CSNK2A2: variants seen among roughly 807,000 people sequenced by gnomAD.
CSNK2A2 encodes the protein casein kinase II subunit alpha'.
A neutral mutation model predicts 54.0 loss-of-function variants in CSNK2A2; 8 were observed. The ratio of observed to expected loss-of-function variants is 0.15; its 90% CI spans 0.09 to 0.27. The LOEUF (loss-of-function observed/expected upper bound fraction) is 0.27. CSNK2A2 is among the 10% of genes least tolerant of loss of function. The probability of loss-of-function intolerance (pLI) is 1.00; values close to 1 mark genes in which losing one functional copy is unlikely to be tolerated. For synonymous variants in CSNK2A2, 141 were observed against 153.9 expected, an observed-to-expected ratio of 0.92 and a Z score of 0.62; for missense variants, 242 against 439.4, an observed-to-expected ratio of 0.55 and a Z score of 4.02.
chr16:58,176,631 C>T (rs1042338012), intron 4 of CSNK2A2, among the ~76,000 whole-genome samples: 1 of 152,172 alleles, frequency 6.6e-6, no homozygotes, highest in Non-Finnish European at 1.5e-5. Flanking sequence ...ACAGCTCTGA[C>T]AAAACAAGCC....
At chr16:58,167,103 C>A in intron 8 of CSNK2A2, 104 bp downstream of exon 8, 1 of 689,218 alleles carries the variant, frequency 1.5e-6, no homozygotes. Context: ...CATATGCAGA[C>A]ACTGAGTGAT....
intron 2 of CSNK2A2, among the ~76,000 whole-genome samples, chr16:58,195,259 AAC>A (rs1962408816): frequency 6.6e-6 from 1 of 151,696 alleles, no homozygotes; most frequent in Non-Finnish European, 1.5e-5. Flanking sequence ...CAGTATCTTC[AAC>A]ATCAGTTCCT....
At chr16:58,176,459 T>C (rs1054823120) in intron 4 of CSNK2A2, among the ~76,000 whole-genome samples, 5 of 152,204 alleles carry the variant, frequency 3.3e-5, no homozygotes, top group South Asian at 2.1e-4. Flanking sequence ...AAGTGACTGG[T>C]TGCCATTCAC....
intron 2 of CSNK2A2, among the ~76,000 whole-genome samples, chr16:58,195,368 G>A (rs1238891719): frequency 1.3e-5 from 2 of 152,142 alleles, no homozygotes; most frequent in African/African-American, 4.8e-5. Context: ...GATGTTTTGA[G>A]TGATGGAGTT....
At chr16:58,186,066 G>A (rs1597122374) in intron 3 of CSNK2A2, among the ~76,000 whole-genome samples, 2 of 152,224 alleles carry the variant, frequency 1.3e-5, no homozygotes, top group Admixed American at 1.3e-4. Context: ...ACAGCAGGTG[G>A]AGAACAGCAA....
intron 10 of CSNK2A2, 104 bp downstream of exon 10, chr16:58,165,456 A>C (rs1961537581): frequency 2.4e-6 from 3 of 1,256,072 alleles, no homozygotes; most frequent in Non-Finnish European, 2.1e-6. Context: ...GGAATAATCC[A>C]ATCCAAATAC....
At chr16:58,181,955 C>G (rs967111998) in intron 4 of CSNK2A2, among the ~76,000 whole-genome samples, 1 of 152,096 alleles carries the variant, frequency 6.6e-6, no homozygotes, top group African/African-American at 2.4e-5. Context: ...AGTGGTAATA[C>G]TGGAACAATC....
chr16:58,168,283 TC>T (rs1961627788), intron 6 of CSNK2A2, among the ~76,000 whole-genome samples: 1 of 152,116 alleles, frequency 6.6e-6, no homozygotes, highest in African/African-American at 2.4e-5. Context: ...ACCCAAGTGT[TC>T]TTTTAAGGCC....
At chr16:58,192,244 A>T (rs898550962) in intron 2 of CSNK2A2, among the ~76,000 whole-genome samples, 42 of 152,184 alleles carry the variant, frequency 2.8e-4, no homozygotes, top group African/African-American at 9.4e-4. Context: ...CCTGATGATG[A>T]GATGGTAGAT....
intron 4 of CSNK2A2, among the ~76,000 whole-genome samples, chr16:58,177,104 G>A (rs1961901436): frequency 6.6e-6 from 1 of 152,170 alleles, no homozygotes; most frequent in African/African-American, 2.4e-5. Context: ...AACCACATAT[G>A]AAGTCCTCAC....
chr16:58,165,657 A>G lies in CSNK2A2; in HGVS notation c.879T>C (p.Leu293=). 1.2e-6 allele frequency: 2 copies of G among 1,614,112 alleles called. No homozygotes were observed. Among genetic ancestry groups the G allele is most frequent in the Non-Finnish European group, 1.7e-6 (2 of 1,180,000 alleles). The change falls in exon 10 of 12, where the codon CTT becomes CTC. Residue 293 remains leucine, a synonymous_variant. Transcript: ENST00000262506. ...GAAGATCTAGGGCCTCAGGGCTGAC[A>G]AGGTGTCTGTTCTCACTATGGATAA... ...ENFIHSENRH[L]VSPEALDLLD...
chr16:58,181,672 T>C (rs1962045887), intron 4 of CSNK2A2, among the ~76,000 whole-genome samples: 1 of 152,014 alleles, frequency 6.6e-6, no homozygotes, highest in African/African-American at 2.4e-5. Context: ...AAGACCAAAA[T>C]GGAGCTGTAA....
rs1272156410 is a variant in CSNK2A2, at chr16:58,166,595, A to G, written c.816T>C (p.Asp272=). Residue 272 remains aspartate (D), a synonymous_variant, in exon 9 of 12, where the codon GAT becomes GAC. Transcript: ENST00000262506. ...TCTCTCTTACTTACTGTCCCAGGAT[A>G]TCGTTGAAGTGTGGATCTAGGTCTA... is the stretch of plus-strand genomic sequence containing the variant. ...YHIDLDPHFN[D]ILGQHSRKRW... is the part of the protein sequence containing the mutation. 5 of 1,606,202 alleles carry G rather than the reference A, an allele frequency of 3.1e-6. No homozygotes were observed. Among genetic ancestry groups the G allele is most frequent in the East Asian group, 2.2e-5 (1 of 44,854 alleles).
Position 58,197,869 on chromosome 16 carries a change from G to C in CSNK2A2, c.-133C>G. 6.9e-6 allele frequency: 1 copy of C among 144,388 alleles called. No homozygotes were observed. Among genetic ancestry groups the C allele is most frequent in the Non-Finnish European group, 1.5e-5 (1 of 67,170 alleles). The allele number at this position is 144,388 out of a possible 1,614,324, so 8.9% of individuals were successfully genotyped here. A position where few individuals can be genotyped will look rare whatever the true frequency, so the allele number is the denominator to read the frequency against. ...GGAGGAGGAGGAGGAGCGCGGCGGC[G>C]GGCGGCCGCGCCAGGCCGGGCCCGC... On this transcript the variant is annotated 5_prime_UTR_variant, in exon 1 of 12. Coordinates refer to ENST00000262506, the MANE Select transcript of CSNK2A2 (RefSeq NM_001896.4). The surrounding 1 kb of genome is among the most constrained non-coding windows in gnomAD (Gnocchi z 4.0).
chr16:58,186,631 G>T, intron 3 of CSNK2A2, 124 bp downstream of exon 3: 1 of 654,770 alleles, frequency 1.5e-6, no homozygotes, highest in Non-Finnish European at 2.6e-6. Flanking sequence ...TTTCAAACCA[G>T]TCAGTAGTTA....
chr16:58,171,977 ATATTTTTTTTTT>A (rs1194558023), intron 5 of CSNK2A2, among the ~76,000 whole-genome samples: 1 of 34,318 alleles, frequency 2.9e-5, no homozygotes, highest in Non-Finnish European at 5.2e-5. Context: ...ATATATATAT[ATATTTTTTTTTT>A]TTTTTTTTTT....
chr16:58,182,953 T>C (rs1226978767), intron 4 of CSNK2A2, among the ~76,000 whole-genome samples: 1 of 152,204 alleles, frequency 6.6e-6, no homozygotes, highest in African/African-American at 2.4e-5. Flanking sequence ...CTGTCACATG[T>C]GGGAAAGTGC....
intron 11 of CSNK2A2, chr16:58,161,660 GAAAC>G (rs1961375797): frequency 6.6e-6 from 1 of 152,038 alleles, no homozygotes; most frequent in African/African-American, 2.4e-5. Flanking sequence ...GCTAGGTTTG[GAAAC>G]AAAAATGGTT....
Position 58,186,802 on chromosome 16 carries a change from C to A in CSNK2A2, c.271G>T (p.Gly91Cys). The change falls in exon 3 of 12, where the codon GGT (glycine) becomes TGT (cysteine). Residue 91 changes from glycine to cysteine, a missense_variant. By Grantham distance (159) the Gly-to-Cys change is radical. Around this residue, in one of 5 missense-constraint regions of CSNK2A2, gnomAD observed 69 missense variants for 97.0 expected, o/e 0.71. Coordinates refer to ENST00000262506, the MANE Select transcript of CSNK2A2 (RefSeq NM_001896.4). Reference protein sequence around the residue: ...REVKILENLRGGTNIIKLIDT... With the variant: ...REVKILENLRCGTNIIKLIDT... Reference sequence around the variant, plus strand: ...ATCAGCTTAATGATATTTGTTCCACCACGAAGGTTCTCCAGAATCTTAACC... The same window carrying A: ...ATCAGCTTAATGATATTTGTTCCACAACGAAGGTTCTCCAGAATCTTAACC... 2 of 1,614,082 alleles carry A rather than the reference C, an allele frequency of 1.2e-6. No homozygotes were observed. Among genetic ancestry groups the A allele is most frequent in the Non-Finnish European group, 8.5e-7 (1 of 1,179,988 alleles).
Sources: gnomAD v4.1 joint callset for allele counts (sites outside exome capture counted in the v4.1 genomes callset) on GRCh38, gnomAD v4.1.1 for gene constraint, gnomAD v4.1.1 regional missense constraint, Gnocchi (gnomAD v3.1) non-coding constraint, MANE v1.5 for transcripts, NCBI Gene and HGNC (gene_info 2026-07-23, HGNC 2026-07-21) for gene names.